Variants in ATXN2L observed in about 807,000 individuals in gnomAD.
ATXN2L encodes ataxin-2-like protein.
A neutral mutation model predicts 120.7 loss-of-function variants in ATXN2L; 24 were observed. The ratio of observed to expected loss-of-function variants is 0.20; its 90% CI spans 0.14 to 0.28. The LOEUF is 0.28. Ranked by LOEUF, ATXN2L falls within the 10% of genes least tolerant of loss-of-function variation. ATXN2L has a pLI of 1.00. For synonymous variants in ATXN2L, 653 were observed against 568.1 expected (o/e 1.15, Z -2.13); for missense variants, 1,312 against 1,432.3 (o/e 0.92, Z 1.36).
chr16:28,823,233 C>CT lies in ATXN2L; in HGVS notation c.-26dup. ...GGCCCCCTCTCTCCCTCCCTTCTCTCTAATTCCCCTTCCGGACGCTGCCAT... is the reference window on the plus strand; with the variant it reads ...GGCCCCCTCTCTCCCTCCCTTCTCTCTTAATTCCCCTTCCGGACGCTGCCAT... On this transcript the variant is annotated 5_prime_UTR_variant, in exon 1 of 22. Coordinates refer to ENST00000336783, the MANE Select transcript of ATXN2L (RefSeq NM_007245.4). The CT allele has an allele frequency of 1.4e-6, 2 of 1,413,058 alleles. No homozygotes were observed. Among genetic ancestry groups the CT allele is most frequent in the Non-Finnish European group, 9.3e-7 (1 of 1,081,022 alleles). 87.5% of individuals were successfully genotyped at this position (1,413,058 alleles called of 1,614,324 possible).
chr16:28,830,264 A>C (rs1356684291), intron 8 of ATXN2L, among the ~76,000 whole-genome samples: 1 of 152,124 alleles, frequency 6.6e-6, no homozygotes, highest in Admixed American at 6.5e-5. Context: ...AAAAATTCAA[A>C]ATTTATGTGC....
Position 28,823,490 on chromosome 16 carries a change from G to A in ATXN2L, c.231G>A (p.Leu77=). 1.4e-6 allele frequency: 2 copies of A among 1,379,368 alleles called. No homozygotes were observed. Among genetic ancestry groups the A allele is most frequent in the Non-Finnish European group, 1.9e-6 (2 of 1,069,652 alleles). The allele number at this position is 1,379,368 out of a possible 1,614,324, so 85.4% of individuals were successfully genotyped here. ...SGLRRGAEGI[L]APQPPPPQQH... ...TCCGCCGGGGAGCCGAAGGCATCTT[G>A]GCGCCGCAGCCGCCGCCGCCGCAGC... The change falls in exon 1 of 22, where the codon TTG becomes TTA. Residue 77 remains leucine (L), a synonymous_variant. Coordinates refer to ENST00000336783, the MANE Select transcript of ATXN2L (RefSeq NM_007245.4).
chr16:28,836,905 C>T lies in ATXN2L; in HGVS notation c.*640C>T, dbSNP rs753967856. On this transcript the variant is annotated 3_prime_UTR_variant, in exon 22 of 22. Transcript: ENST00000336783. ...GTTCCCCAGGGGAGCTGGGGAATTCCTGCCAAGCACCTTGAATGGGAGGGG... is the reference window on the plus strand; with the variant it reads ...GTTCCCCAGGGGAGCTGGGGAATTCTTGCCAAGCACCTTGAATGGGAGGGG... 10 of 1,012,798 alleles carry T rather than the reference C, an allele frequency of 9.9e-6. No homozygotes were observed. Among genetic ancestry groups the T allele is most frequent in the Admixed American group, 2.2e-5 (1 of 45,068 alleles). The allele number at this position is 1,012,798 out of a possible 1,614,324, so 62.7% of individuals were successfully genotyped here. A position where few individuals can be genotyped will look rare whatever the true frequency, so the allele number is the denominator to read the frequency against.
chr16:28,831,451 C>T (rs756918788), intron 10 of ATXN2L, among the ~76,000 whole-genome samples: 8 of 152,142 alleles, frequency 5.3e-5, no homozygotes, highest in Admixed American at 1.3e-4. Context: ...TCTCAGCCTC[C>T]CAAGTAGCTG....
In ATXN2L at chr16:28,825,825, A is replaced by C. The variant is rs767753186; in HGVS notation, c.449A>C (p.Lys150Thr). ...KNGTTYEGIF[K>T]TLSSKFELAV... ...GGTACCACTTATGAGGGTATCTTCA[A>C]GACGCTAAGCTCAAAGGTCAGTGTA... is the stretch of plus-strand genomic sequence containing the variant. The change falls in exon 4 of 22, where the codon AAG (lysine) becomes ACG (threonine). Residue 150 changes from lysine (K) to threonine (T), a missense_variant. Physicochemically the swap from Lys to Thr is moderately conservative, Grantham distance 78. Coordinates refer to ENST00000336783, the MANE Select transcript of ATXN2L (RefSeq NM_007245.4). 1 of 1,613,834 alleles carries C rather than the reference A, an allele frequency of 6.2e-7. No individual in the cohort carries two copies.
chr16:28,826,490 TTTTG>T, intron 5 of ATXN2L, 100 bp downstream of exon 5: 1 of 1,377,630 alleles, frequency 7.3e-7, no homozygotes, highest in South Asian at 1.4e-5. Context: ...TGGTTTGTTT[TTTTG>T]TTTTTGTTTG....
chr16:28,823,756 G>T, intron 1 of ATXN2L, 198 bp downstream of exon 1: 3 of 481,770 alleles, frequency 6.2e-6, no homozygotes, highest in Admixed American at 4.5e-5. Context: ...AGCACTGAGG[G>T]GCCGCGCTCG....
rs1405216816 is a variant in ATXN2L at position 28,834,660 on chromosome 16, C to T, written c.2400C>T (p.Ala800=). Residue 800 remains alanine (A), a synonymous_variant, in exon 18 of 22, where the codon GCC becomes GCT. Transcript: ENST00000336783. ...YNPQQFPGQP[A]MMQPMAHYPS... is the part of the protein sequence containing the mutation. ...CTCAGCAGTTCCCAGGCCAGCCAGC[C>T]ATGATGCAGCCCATGGCCCACTACC... is the stretch of plus-strand genomic sequence containing the variant. 1 of 1,613,896 alleles carries T rather than the reference C, an allele frequency of 6.2e-7. No individual in the cohort carries two copies. The highest frequency in any genetic ancestry group is 8.5e-7 in the Non-Finnish European group (1 of 1,179,932).
rs1215193933 is a variant in ATXN2L, at chr16:28,837,186, C to T, written c.*921C>T. The T allele has an allele frequency of 5.6e-6, 1 of 179,142 alleles. No homozygotes were observed. The highest frequency in any genetic ancestry group is 1.2e-5 in the Non-Finnish European group (1 of 86,086). The allele number at this position is 179,142 out of a possible 1,614,324, so 11.1% of individuals were successfully genotyped here. On this transcript the variant is annotated 3_prime_UTR_variant, in exon 22 of 22. Transcript: ENST00000336783. ...GGACAAGGACTTTTACTTTTTATTA[C>T]ATAAAAATATTAAAAAATAAATAAA...
At chr16:28,826,789 T>A (rs767746144) in intron 5 of ATXN2L, 73 bp from the exon 6 acceptor site, 48 of 1,446,942 alleles carry the variant, frequency 3.3e-5, no homozygotes, top group Non-Finnish European at 4.3e-5. Context: ...TTACGGAGAG[T>A]GGGGTTGGGG....
Position 28,833,348 on chromosome 16 carries a change from T to C in ATXN2L, c.1949T>C (p.Val650Ala), listed in dbSNP as rs1163646428. ...IKGEDKDEGPVAEQVKKSTLN... is the reference protein window; with the variant it reads ...IKGEDKDEGPAAEQVKKSTLN... The stretch of plus-strand genomic sequence containing the variant: ...GGAGAAGACAAAGATGAGGGCCCTG[T>C]TGCTGAGTGAGTGGAGCGGGGTGGG... The change falls in exon 14 of 22, where the codon GTT (valine) becomes GCT (alanine). Residue 650 changes from valine (V) to alanine (A), a missense_variant. By Grantham distance (64) the Val-to-Ala change is moderately conservative (BLOSUM62 0). Transcript: ENST00000336783. 1 of 1,613,222 alleles carries C rather than the reference T, an allele frequency of 6.2e-7. No individual in the cohort carries two copies. Among genetic ancestry groups the C allele is most frequent in the Non-Finnish European group, 8.5e-7 (1 of 1,179,288 alleles).
intron 7 of ATXN2L, 141 bp from the exon 8 acceptor site, chr16:28,829,717 T>C: frequency 2.2e-6 from 2 of 894,068 alleles, no homozygotes; most frequent in Non-Finnish European, 3.5e-6. Context: ...TGGGATGCAG[T>C]CGGTGCCCGT....
rs573289286 is a variant in ATXN2L at position 28,833,487 on chromosome 16, T to A, written c.2004T>A (p.Pro668=). Residue 668 remains proline (P), a synonymous_variant, in exon 15 of 22, where the codon CCT becomes CCA. Coordinates refer to ENST00000336783, the MANE Select transcript of ATXN2L (RefSeq NM_007245.4). The part of the protein sequence containing the change: ...TLNPNAKEFN[P]TKPLLSVNKS... ...ACCCTAATGCTAAGGAGTTCAATCC[T>A]ACAAAGCCTCTGCTGTCTGTGGTGA... 5.0e-6 allele frequency: 8 copies of A among 1,614,230 alleles called. No individual in the cohort carries two copies. The Admixed American group carries it at 1.2e-4, about 24-fold the overall frequency.
chr16:28,835,134 C>T lies in ATXN2L; in HGVS notation c.2510C>T (p.Ser837Phe). ...AGCCATCCCCAGGCCATCGTGTCAT[C>T]CTCTACCCCTCAGTACCCTTCTGCA... ...SGSHPQAIVS[S>F]STPQYPSAEQ... Residue 837 changes from serine to phenylalanine, a missense_variant, in exon 19 of 22, where the codon TCC (serine) becomes TTC (phenylalanine). Transcript: ENST00000336783. 1.2e-6 allele frequency: 2 copies of T among 1,613,930 alleles called. No individual in the cohort carries two copies. Among genetic ancestry groups the T allele is most frequent in the Non-Finnish European group, 1.7e-6 (2 of 1,179,904 alleles).
intron 18 of ATXN2L, 119 bp downstream of exon 18, chr16:28,834,812 C>T (rs1959478971): frequency 7.7e-7 from 1 of 1,295,506 alleles, no homozygotes. Flanking sequence ...GATCGGCCCT[C>T]TGTGGTATTG....
intron 15 of ATXN2L, 28 bp downstream of exon 15, chr16:28,833,536 T>C: frequency 1.9e-6 from 3 of 1,612,316 alleles, no homozygotes; most frequent in South Asian, 2.2e-5. Context: ...AATGTGGACT[T>C]TGGTTTCTGT....
chr16:28,824,415 TC>T, intron 1 of ATXN2L: 1 of 1,281,220 alleles, frequency 7.8e-7, no homozygotes, highest in African/African-American at 1.5e-5. Flanking sequence ...GGGCGAGGCC[TC>T]CCGGTGGATG....
At chr16:28,825,567 G>T (rs1018622501) in intron 2 of ATXN2L, 57 bp from the exon 3 acceptor site, 3 of 1,585,014 alleles carry the variant, frequency 1.9e-6, no homozygotes, top group African/African-American at 1.3e-5. Flanking sequence ...ATTTAGAAAA[G>T]AAAATGAGGT....
chr16:28,834,973 A>G (rs1959691968), intron 18 of ATXN2L, 85 bp from the exon 19 acceptor site: 4 of 1,518,968 alleles, frequency 2.6e-6, no homozygotes, highest in Non-Finnish European at 2.7e-6. Flanking sequence ...AGGAGGCCCA[A>G]GCGGTGCTGT....
Sources: allele counts gnomAD v4.1 joint callset (sites outside exome capture counted in the v4.1 genomes callset), GRCh38; gene constraint gnomAD v4.1.1; transcripts MANE v1.5; gene names NCBI Gene and HGNC (gene_info 2026-07-23, HGNC 2026-07-21).